ELP5: variants seen among roughly 807,000 people sequenced by gnomAD.
ELP5 encodes the protein elongator acetyltransferase complex subunit 5, also known as elongator complex protein 5.
In ELP5, 34 loss-of-function variants were observed where a neutral mutation model predicts 33.4. That is an observed-to-expected ratio of 1.02 (90% CI 0.78 to 1.36). The LOEUF is 1.36. Ranked by LOEUF, ELP5 falls within the 40% of genes most tolerant of loss-of-function variation. The pLI, the probability that ELP5 is intolerant of heterozygous loss-of-function variation, is 0.00. For synonymous variants in ELP5, 161 were observed against 146.4 expected, an observed-to-expected ratio of 1.10 and a Z score of -0.72; for missense variants, 373 against 371.7, an observed-to-expected ratio of 1.00 and a Z score of -0.03.
chr17:7,257,903 A>G (rs965989778), intron 5 of ELP5, among the ~76,000 whole-genome samples: 4 of 151,988 alleles, frequency 2.6e-5, no homozygotes, highest in African/African-American at 9.7e-5. Flanking sequence ...TCTCATCTCT[A>G]CTAAAAATAC....
rs1597578890 is a variant in ELP5, at chr17:7,252,330, C to T, written c.-221C>T. The T allele has an allele frequency of 4.6e-6, 3 of 647,230 alleles. No homozygotes were observed. The highest frequency in any genetic ancestry group is 5.6e-5 in the East Asian group (2 of 35,868). The allele number at this position is 647,230 out of a possible 1,614,324, so 40.1% of individuals were successfully genotyped here. On this transcript the variant is annotated 5_prime_UTR_variant, in exon 1 of 8. Transcript: ENST00000396628. ...GTCACAGTGAAAATGTAGACGGGGT[C>T]GTTGTCCGTACGACTGTGCGCCAGG...
At chr17:7,259,110 T>C in intron 7 of ELP5, 184 bp downstream of exon 7, 1 of 1,445,838 alleles carries the variant, frequency 6.9e-7, no homozygotes, top group Non-Finnish European at 9.0e-7. Context: ...TTATGTCTCT[T>C]TTCTCTCCCT....
At chr17:7,257,353 A>G (rs1252130842) in intron 5 of ELP5, among the ~76,000 whole-genome samples, 1 of 151,576 alleles carries the variant, frequency 6.6e-6, no homozygotes, top group Non-Finnish European at 1.5e-5. Context: ...CCTCTCAGCT[A>G]TGGTTAAGGT....
rs755169129 is a variant in ELP5, at chr17:7,259,685, A to G, written c.903A>G (p.Ter301TrpextTer6). Residue 301 changes from the stop codon to tryptophan (W), a stop_lost, in exon 8 of 8, where the codon TGA (stop) becomes TGG (tryptophan). Transcript: ENST00000396628. The stretch of plus-strand genomic sequence containing the variant: ...ACCCAGATGACGACCTGGATATTTG[A>G]CTGGCCAGATTTGATTAGATTGTAA... Reference protein sequence around the residue: ...QEDPDDDLDI* With the variant: ...QEDPDDDLDIW 1 of 1,614,054 alleles carries G rather than the reference A, an allele frequency of 6.2e-7. No homozygotes were observed.
At chr17:7,253,920 C>A (rs1056386849) in intron 3 of ELP5, among the ~76,000 whole-genome samples, 1 of 151,838 alleles carries the variant, frequency 6.6e-6, no homozygotes. Context: ...TCGCTTGAAC[C>A]CAGGAGGCAG....
At chr17:7,259,205 A>AT in intron 7 of ELP5, 1 of 1,385,598 alleles carries the variant, frequency 7.2e-7, no homozygotes, top group South Asian at 1.6e-5. Flanking sequence ...AGGTGGCCCT[A>AT]TCCCTAGGCA....
rs2072086048 is a variant in ELP5 at position 7,256,862 on chromosome 17, A to G, written c.415A>G (p.Ser139Gly). 6.2e-7 allele frequency: 1 copy of G among 1,614,220 alleles called. No individual in the cohort carries two copies. The highest frequency in any genetic ancestry group is 8.5e-7 in the Non-Finnish European group (1 of 1,180,026). The change falls in exon 5 of 8, where the codon AGC becomes GGC. Residue 139 changes from serine to glycine, a missense_variant. By Grantham distance (56) the Ser-to-Gly change is moderately conservative. Transcript: ENST00000396628. ...CATTTCTTGTCCTCCTCTAGGTGACAGCTCCTCAGTGGGGAAAGTGAGTGT... is the reference window on the plus strand; with the variant it reads ...CATTTCTTGTCCTCCTCTAGGTGACGGCTCCTCAGTGGGGAAAGTGAGTGT... ...VSHQDSCPGD[S>G]SSVGKVSVLG...
At position 7,252,443 on chromosome 17, in the gene ELP5, T is replaced by A. The variant is rs1393567834; in HGVS notation, c.-108T>A. 6.6e-7 allele frequency: 1 copy of A among 1,525,084 alleles called. No homozygotes were observed. The highest frequency in any genetic ancestry group is 1.7e-4 in the Middle Eastern group (1 of 5,918). 94.5% of individuals were successfully genotyped at this position (1,525,084 alleles called of 1,614,324 possible). ...CATTCCAGACTATGTTAGGTCTTAA[T>A]GGTGGGAGGACGCCCGAGTGCTCGG... On this transcript the variant is annotated 5_prime_UTR_variant, in exon 1 of 8. It removes an upstream start codon present in the reference 5' UTR. Transcript: ENST00000396628.
chr17:7,256,820 T>C (rs1259089183), intron 4 of ELP5, 37 bp from the exon 5 acceptor site: 4 of 1,608,240 alleles, frequency 2.5e-6, no homozygotes, highest in Non-Finnish European at 3.4e-6. Context: ...CCAACCTGAA[T>C]GCTCCCTACT....
Position 7,259,871 on chromosome 17 carries a change from A to AT in ELP5, c.*187dup. 9.9e-7 allele frequency: 1 copy of AT among 1,007,176 alleles called. No homozygotes were observed. The highest frequency in any genetic ancestry group is 1.8e-5 in the South Asian group (1 of 56,114). 62.4% of individuals were successfully genotyped at this position (1,007,176 alleles called of 1,614,324 possible). ...TCAGGACAGAAGGTAGGATGAAGAC[A>AT]TGGGGTAATGTGAGAGAGTAGAACA... is the stretch of plus-strand genomic sequence containing the variant. On this transcript the variant is annotated 3_prime_UTR_variant, in exon 8 of 8. Coordinates refer to ENST00000396628, the MANE Select transcript of ELP5 (RefSeq NM_203414.3).
Position 7,252,502 on chromosome 17 carries a change from C to A in ELP5, c.-49C>A. 6.2e-7 allele frequency: 1 copy of A among 1,613,540 alleles called. No homozygotes were observed. Among genetic ancestry groups the A allele is most frequent in the South Asian group, 1.1e-5 (1 of 90,914 alleles). On this transcript the variant is annotated 5_prime_UTR_variant, in exon 1 of 8. An upstream open reading frame in the 5' UTR gains an earlier in-frame stop. Transcript: ENST00000396628. ...ACCCCGAGGAGGAAGGACACTGGGT[C>A]ATGACGCCATCAGAGGGCGCCAGAG...
At chr17:7,259,934 AAAAG>A (rs1227464068) in exon 8 of ELP5, 2 of 448,242 alleles carry the variant, frequency 4.5e-6, no homozygotes, top group Admixed American at 8.1e-5. Flanking sequence ...TTTTTATTAA[AAAAG>A]AAGTACTTTG....
At chr17:7,258,292 G>C (rs2654183) in intron 5 of ELP5, among the ~76,000 whole-genome samples, 1 of 151,008 alleles carries the variant, frequency 6.6e-6, no homozygotes, top group East Asian at 2.0e-4. Flanking sequence ...CTACTAAAAA[G>C]ACAAAAATTA....
At chr17:7,258,772 G>A (rs1183738665) in intron 6 of ELP5, 54 bp from the exon 7 acceptor site, 6 of 1,614,000 alleles carry the variant, frequency 3.7e-6, no homozygotes, top group Non-Finnish European at 5.1e-6. Flanking sequence ...GGTTGGGGGT[G>A]GGGTCAGGGA....
intron 5 of ELP5, among the ~76,000 whole-genome samples, chr17:7,258,324 CTG>C: frequency 6.6e-6 from 1 of 151,500 alleles, no homozygotes; most frequent in South Asian, 2.1e-4. Context: ...TAGCACGTGC[CTG>C]TAATCCCAGC....
At chr17:7,257,401 C>G (rs9916284) in intron 5 of ELP5, among the ~76,000 whole-genome samples, 2,511 of 151,158 alleles carry the variant, frequency 0.017, 67 homozygotes, top group African/African-American at 0.058. Context: ...GGCTGGAAAG[C>G]CAGTCCAGGG....
chr17:7,252,564 T>C lies in ELP5; in HGVS notation c.14T>C (p.Leu5Pro). The C allele has an allele frequency of 1.2e-6, 2 of 1,613,442 alleles. No homozygotes were observed. The highest frequency in any genetic ancestry group is 1.7e-6 in the Non-Finnish European group (2 of 1,179,866). The change falls in exon 1 of 8, where the codon CTG becomes CCG. Residue 5 changes from leucine to proline, a missense_variant. Coordinates refer to ENST00000396628, the MANE Select transcript of ELP5 (RefSeq NM_203414.3). The part of the protein sequence containing the change: MLDS[L>P]LALGGLVLLR... ...CGCGAGTTGGAGATGTTGGACTCGC[T>C]GTTGGCCTTGGGCGGCCTGGTGCTG...
chr17:7,252,876 C>T, intron 2 of ELP5, 42 bp from the exon 3 acceptor site: 1 of 1,613,028 alleles, frequency 6.2e-7, no homozygotes, highest in Non-Finnish European at 8.5e-7. Flanking sequence ...GATAGGGCAC[C>T]TGTGCCCACT....
At position 7,252,318 on chromosome 17, in the gene ELP5, T is replaced by A. The variant is rs925305231; in HGVS notation, c.-233T>A. On this transcript the variant is annotated 5_prime_UTR_variant, in exon 1 of 8. An upstream start codon of the reference 5' UTR is lost. Transcript: ENST00000396628. Reference sequence around the variant, plus strand: ...CTTCCCGCCCCGGTCACAGTGAAAATGTAGACGGGGTCGTTGTCCGTACGA... The same window carrying A: ...CTTCCCGCCCCGGTCACAGTGAAAAAGTAGACGGGGTCGTTGTCCGTACGA... 69 of 619,976 alleles carry A rather than the reference T, an allele frequency of 1.1e-4. No homozygotes were observed. Among genetic ancestry groups the A allele is most frequent in the Middle Eastern group, 3.8e-4 (1 of 2,638 alleles). The allele number at this position is 619,976 out of a possible 1,614,324, so 38.4% of individuals were successfully genotyped here. A position where few individuals can be genotyped will look rare whatever the true frequency, so the allele number is the denominator to read the frequency against.
Sources: gnomAD v4.1 joint callset for allele counts (sites outside exome capture counted in the v4.1 genomes callset) on GRCh38, gnomAD v4.1.1 for gene constraint, MANE v1.5 for transcripts, NCBI Gene and HGNC (gene_info 2026-07-23, HGNC 2026-07-21) for gene names.